Variants in FOXN3 observed in about 807,000 individuals in gnomAD.
FOXN3 encodes forkhead box N3, also known as forkhead box protein N3.
In FOXN3, 7 loss-of-function variants were observed where a neutral mutation model predicts 38.4. The ratio of observed to expected loss-of-function variants is 0.18; its 90% CI spans 0.10 to 0.34. The LOEUF (loss-of-function observed/expected upper bound fraction) is 0.34. Among genes scored for constraint, FOXN3 ranks in the 10% least tolerant of loss-of-function variants. The probability of loss-of-function intolerance (pLI) is 1.00; values close to 1 mark genes in which losing one functional copy is unlikely to be tolerated. For missense variants in FOXN3, 456 were observed against 613.4 expected, an observed-to-expected ratio of 0.74 and a Z score of 2.71; for synonymous variants, 230 against 242.2, an observed-to-expected ratio of 0.95 and a Z score of 0.47.
chr14:89,300,254 C>T (rs1419135818), intron 3 of FOXN3, among the ~76,000 whole-genome samples: 4 of 144,160 alleles, frequency 2.8e-5, no homozygotes, highest in African/African-American at 1.0e-4. Flanking sequence ...ATGATCTTGG[C>T]TCATTGCAAC....
At chr14:89,572,618 C>A (rs1487266803) in intron 1 of FOXN3, among the ~76,000 whole-genome samples, 1 of 152,246 alleles carries the variant, frequency 6.6e-6, no homozygotes, top group Non-Finnish European at 1.5e-5. Flanking sequence ...TTAGCAATGT[C>A]TTCTGCTCCT....
chr14:89,560,887 G>A (rs935722563), intron 1 of FOXN3, among the ~76,000 whole-genome samples: 1 of 152,196 alleles, frequency 6.6e-6, no homozygotes, highest in Non-Finnish European at 1.5e-5. Context: ...GTGGCCTCTA[G>A]ATATAGCCCC....
chr14:89,408,606 C>T (rs1891453011), intron 2 of FOXN3, among the ~76,000 whole-genome samples: 1 of 149,288 alleles, frequency 6.7e-6, no homozygotes, highest in African/African-American at 2.5e-5. Context: ...GTTCCCTCCC[C>T]AACATCCCAG....
intron 1 of FOXN3, among the ~76,000 whole-genome samples, chr14:89,568,216 C>T (rs1412226431): frequency 6.6e-6 from 1 of 152,194 alleles, no homozygotes; most frequent in Non-Finnish European, 1.5e-5. Context: ...ATCTTCACCA[C>T]TTCTGTACTT....
chr14:89,164,992 C>T lies in FOXN3; in HGVS notation c.852-2023G>A, dbSNP rs1887202879. On this transcript the variant is annotated intron_variant, in intron 5 of 5. Transcript: ENST00000557258. This position sits in a 1 kb window ranked among gnomAD's most constrained non-coding sequence, Gnocchi z 4.3. Reference sequence around the variant, plus strand: ...CTAAATTTAGGCTGGGGGAGAGACTCCGTACTGTCGTGTCCACCAGCAAAA... The same window carrying T: ...CTAAATTTAGGCTGGGGGAGAGACTTCGTACTGTCGTGTCCACCAGCAAAA... Among the ~76,000 whole-genome samples the T allele has an allele frequency of 6.6e-6, 1 of 152,242 alleles. No homozygotes were observed. Among genetic ancestry groups the T allele is most frequent in the South Asian group, 2.1e-4 (1 of 4,812 alleles).
At chr14:89,253,838 C>T (rs976184262) in intron 4 of FOXN3, among the ~76,000 whole-genome samples, 2 of 152,130 alleles carry the variant, frequency 1.3e-5, no homozygotes, top group East Asian at 1.9e-4. Context: ...TGATGGATTC[C>T]GGACTCCAGC....
chr14:89,360,780 A>G (rs200865001), intron 2 of FOXN3, among the ~76,000 whole-genome samples: 1 of 90,282 alleles, frequency 1.1e-5, no homozygotes, highest in Admixed American at 1.2e-4. Flanking sequence ...CACCTCCACC[A>G]CCACCTCCAC....
rs1596150568 is a variant in FOXN3 at position 89,280,906 on chromosome 14, T to C, written c.745+44A>G. The C allele has an allele frequency of 8.5e-6, 13 of 1,534,864 alleles. No individual in the cohort carries two copies. The East Asian group carries it at 2.9e-4, about 35-fold the overall frequency. ...GCACAAAGGAGTGATGAAAGGCGGGTGGGTGAGGGGGAGGGAGAGGAAGGG... is the reference window on the plus strand; with the variant it reads ...GCACAAAGGAGTGATGAAAGGCGGGCGGGTGAGGGGGAGGGAGAGGAAGGG... On this transcript the variant is annotated intron_variant, in intron 4 of 5. Transcript: ENST00000557258.
intron 4 of FOXN3, among the ~76,000 whole-genome samples, chr14:89,276,834 C>A (rs1321317024): frequency 6.6e-6 from 1 of 152,168 alleles, no homozygotes; most frequent in Admixed American, 6.5e-5. Flanking sequence ...AGCTCTGAGG[C>A]CAACAGGGCC....
intron 1 of FOXN3, among the ~76,000 whole-genome samples, chr14:89,423,341 T>C (rs1441788728): frequency 4.6e-5 from 7 of 152,222 alleles, no homozygotes; most frequent in African/African-American, 1.7e-4. Flanking sequence ...GTTGTGAAGA[T>C]TAAATAAATT....
At chr14:89,464,721 C>T (rs1035065759) in intron 1 of FOXN3, among the ~76,000 whole-genome samples, 25 of 152,120 alleles carry the variant, frequency 1.6e-4, no homozygotes, top group East Asian at 1.4e-3. Context: ...GTTTTTGAGA[C>T]GGAGTCTTGC....
intron 5 of FOXN3, among the ~76,000 whole-genome samples, chr14:89,174,637 T>C (rs927227978): frequency 6.6e-6 from 1 of 152,196 alleles, no homozygotes; most frequent in African/African-American, 2.4e-5. Flanking sequence ...ATATGAAATA[T>C]GAGGAGCAGC....
intron 2 of FOXN3, among the ~76,000 whole-genome samples, chr14:89,373,417 T>C (rs1890380397): frequency 1.3e-5 from 2 of 150,126 alleles, no homozygotes; most frequent in Non-Finnish European, 3.0e-5. Flanking sequence ...AGAGGAAGTA[T>C]TTTGCAACAA....
Position 89,529,218 on chromosome 14 carries a change from C to T in FOXN3, c.-15+89810G>A, listed in dbSNP as rs777542844. 2.4e-4 allele frequency among the ~76,000 whole-genome samples: 36 copies of T among 152,108 alleles called. 1 individual carries two copies. Among genetic ancestry groups the T allele is most frequent in the Non-Finnish European group, 4.1e-4 (28 of 67,986 alleles). ...GTTCCTTCCTAGTCAAAAAACAATTCGTGTTTGTGTGTGTGTCTATGTTTA... is the reference window on the plus strand; with the variant it reads ...GTTCCTTCCTAGTCAAAAAACAATTTGTGTTTGTGTGTGTGTCTATGTTTA... On this transcript the variant is annotated intron_variant, in intron 1 of 6. Transcript: ENST00000345097.
chr14:89,394,570 T>A (rs1164969182), intron 2 of FOXN3, among the ~76,000 whole-genome samples: 1 of 152,168 alleles, frequency 6.6e-6, no homozygotes, highest in African/African-American at 2.4e-5. Context: ...TTAGTAAAGC[T>A]TTTTGATAAA....
At chr14:89,171,451 T>A (rs1958360857) in intron 5 of FOXN3, among the ~76,000 whole-genome samples, 1 of 152,036 alleles carries the variant, frequency 6.6e-6, no homozygotes, top group South Asian at 2.1e-4. Context: ...GACACTAAAC[T>A]AGATAAAGAC....
chr14:89,392,981 A>G lies in FOXN3; in HGVS notation c.543+18953T>C, dbSNP rs1890996909. Among the ~76,000 whole-genome samples the G allele has an allele frequency of 1.3e-5, 2 of 151,988 alleles. 1 individual carries two copies. On this transcript the variant is annotated intron_variant, in intron 2 of 5. Transcript: ENST00000557258. ...ACCACCACGCCCGGCTAATTTTTGT[A>G]TTTTTAGTAGAAATGGGGTTTCACC...
rs538816180 is a variant in FOXN3, at chr14:89,346,002, G to A, written c.680+4670C>T. Reference sequence around the variant, plus strand: ...TGAGCGGCAGAGATCGCAGTGAGCCGAGATCGCGGCACTGCACTCCAGCCT... The same window carrying A: ...TGAGCGGCAGAGATCGCAGTGAGCCAAGATCGCGGCACTGCACTCCAGCCT... On this transcript the variant is annotated intron_variant, in intron 3 of 5. Coordinates refer to ENST00000557258, the MANE Select transcript of FOXN3 (RefSeq NM_005197.4). Among the ~76,000 whole-genome samples the A allele has an allele frequency of 4.6e-5, 7 of 152,276 alleles. No homozygotes were observed. The East Asian group carries it at 5.8e-4, about 13-fold the overall frequency.
chr14:89,325,851 G>T (rs1888068153), intron 3 of FOXN3, among the ~76,000 whole-genome samples: 1 of 152,192 alleles, frequency 6.6e-6, no homozygotes, highest in African/African-American at 2.4e-5. Flanking sequence ...GGCATTACCT[G>T]TGCCTCTTGG....
Sources: allele counts gnomAD v4.1 joint callset (sites outside exome capture counted in the v4.1 genomes callset), GRCh38; gene constraint gnomAD v4.1.1; non-coding constraint Gnocchi (gnomAD v3.1); transcripts MANE v1.5; gene names NCBI Gene and HGNC (gene_info 2026-07-23, HGNC 2026-07-21).